SEPTIN14: variants seen among roughly 807,000 people sequenced by gnomAD.
The protein encoded by SEPTIN14 is septin-14.
A neutral mutation model predicts 53.6 loss-of-function variants in SEPTIN14; 40 were observed. The ratio of observed to expected loss-of-function variants is 0.75; its 90% confidence interval spans 0.58 to 0.97. The LOEUF is 0.97. Ranked by LOEUF, SEPTIN14 falls within the 50% of genes least tolerant of loss-of-function variation. The pLI is 0.00. For synonymous variants in SEPTIN14, 138 were observed against 166.8 expected (o/e 0.83, Z 1.33); for missense variants, 471 against 508.2 (o/e 0.93, Z 0.70).
At chr7:55,802,546 T>C (rs1788540667) in intron 9 of SEPTIN14, among the ~76,000 whole-genome samples, 1 of 107,590 alleles carries the variant, frequency 9.3e-6, no homozygotes. Flanking sequence ...TGTGACCACA[T>C]GCAGAAAAAA....
chr7:55,838,129 G>A, intron 5 of SEPTIN14, among the ~76,000 whole-genome samples: 1 of 152,214 alleles, frequency 6.6e-6, no homozygotes, highest in South Asian at 2.1e-4. Context: ...TTAATCAAAT[G>A]AACAGAGTCT....
chr7:55,844,781 G>T, intron 3 of SEPTIN14, 63 bp from the exon 4 acceptor site: 2 of 788,388 alleles, frequency 2.5e-6, no homozygotes, highest in South Asian at 3.6e-5. Context: ...GCAACACTTT[G>T]AATTCCTACG....
In SEPTIN14 at chr7:55,853,997, C is replaced by T. The variant is rs139569747; in HGVS notation, c.55-7360G>A. On this transcript the variant is annotated intron_variant, in intron 2 of 9. Transcript: ENST00000388975. ...ATAGCAGAGTATGGTGGTACATGCT[C>T]GTCGTCCCAGCTACTCTGGAGGCTG... 2.8e-3 allele frequency among the ~76,000 whole-genome samples: 425 copies of T among 151,934 alleles called. 5 individuals are homozygous for T. Among genetic ancestry groups the T allele is most frequent in the Middle Eastern group, 0.01 (3 of 294 alleles).
At chr7:55,839,741 A>C (rs1170510191) in intron 5 of SEPTIN14, among the ~76,000 whole-genome samples, 1 of 152,162 alleles carries the variant, frequency 6.6e-6, no homozygotes, top group Non-Finnish European at 1.5e-5. Context: ...AATCTATCAA[A>C]TGTGAGTTGT....
intron 5 of SEPTIN14, among the ~76,000 whole-genome samples, chr7:55,838,152 G>C (rs914206210): frequency 6.6e-6 from 1 of 152,186 alleles, no homozygotes; most frequent in Non-Finnish European, 1.5e-5. Flanking sequence ...TATCGATTTT[G>C]AGATTTTGCT....
At chr7:55,822,326 T>A (rs1322597847) in intron 6 of SEPTIN14, among the ~76,000 whole-genome samples, 1 of 152,240 alleles carries the variant, frequency 6.6e-6, no homozygotes, top group Non-Finnish European at 1.5e-5. Context: ...ATGTCAATGT[T>A]CCATAACTTA....
intron 5 of SEPTIN14, among the ~76,000 whole-genome samples, chr7:55,838,658 G>C (rs2116040407): frequency 6.6e-6 from 1 of 151,736 alleles, no homozygotes; most frequent in South Asian, 2.1e-4. Flanking sequence ...GCTCACAGCA[G>C]CCTGGAACTC....
At chr7:55,836,440 T>TA (rs1457841189) in intron 5 of SEPTIN14, among the ~76,000 whole-genome samples, 3 of 152,138 alleles carry the variant, frequency 2.0e-5, no homozygotes, top group African/African-American at 7.2e-5. Context: ...ACACGTTTTT[T>TA]AAAAAATCCA....
chr7:55,807,358 A>G lies in SEPTIN14; in HGVS notation c.818-100T>C. 5 of 726,622 alleles carry G rather than the reference A, an allele frequency of 6.9e-6. No homozygotes were observed. The South Asian group carries it at 1.0e-4, about 15-fold the overall frequency. 45.0% of individuals were successfully genotyped at this position (726,622 alleles called of 1,614,324 possible). A position where few individuals can be genotyped will look rare whatever the true frequency, so the allele number is the denominator to read the frequency against. ...TACATGAATAAAAAACACATTTAAA[A>G]TAACACACAACTGAACAATTTGATT... On this transcript the variant is annotated intron_variant, in intron 7 of 9. Transcript: ENST00000388975.
intron 8 of SEPTIN14, among the ~76,000 whole-genome samples, chr7:55,806,589 A>C (rs1788614576): frequency 6.6e-6 from 1 of 151,460 alleles, no homozygotes; most frequent in Admixed American, 6.6e-5. Context: ...TCAGCCTCCC[A>C]AGTGGCTGGG....
At chr7:55,812,324 C>T (rs1056487254) in intron 7 of SEPTIN14, among the ~76,000 whole-genome samples, 1 of 152,036 alleles carries the variant, frequency 6.6e-6, no homozygotes, top group African/African-American at 2.4e-5. Context: ...GAGAAATAAA[C>T]CAGGCACAGA....
At position 55,819,205 on chromosome 7, in the gene SEPTIN14, C is replaced by T. The variant is rs781178255; in HGVS notation, c.739G>A (p.Val247Met). 1 of 1,571,056 alleles carries T rather than the reference C, an allele frequency of 6.4e-7. No individual in the cohort carries two copies. Among genetic ancestry groups the T allele is most frequent in the Non-Finnish European group, 8.6e-7 (1 of 1,156,676 alleles). The change falls in exon 7 of 10, where the codon GTG becomes ATG. Residue 247 changes from valine (V) to methionine (M), a missense_variant. Val to Met is a conservative substitution (Grantham distance 21, BLOSUM62 1). Coordinates refer to ENST00000388975, the MANE Select transcript of SEPTIN14 (RefSeq NM_207366.3). The part of the protein sequence containing the change: ...SSVSGLLPFA[V>M]VGSTDEVKVG... ...TTCACTTCATCTGTACTCCCTACCACAGCAAAGGGTAACAGCCCCTAGAAA... is the reference window on the plus strand; with the variant it reads ...TTCACTTCATCTGTACTCCCTACCATAGCAAAGGGTAACAGCCCCTAGAAA...
chr7:55,818,200 G>T (rs1251781211), intron 7 of SEPTIN14, among the ~76,000 whole-genome samples: 1 of 151,884 alleles, frequency 6.6e-6, no homozygotes. Flanking sequence ...GGCTGGACAC[G>T]GTGGCTCATG....
At chr7:55,830,345 A>ATTTTTTTTTTT (rs1337453699) in intron 6 of SEPTIN14, among the ~76,000 whole-genome samples, 1 of 40,104 alleles carries the variant, frequency 2.5e-5, no homozygotes, top group Admixed American at 3.2e-4. Context: ...ATATATATAT[A>ATTTTTTTTTTT]TATATTTTTT....
Position 55,859,199 on chromosome 7 carries a change from C to T in SEPTIN14, c.54+2744G>A, listed in dbSNP as rs188815303. 1.9e-4 allele frequency among the ~76,000 whole-genome samples: 29 copies of T among 151,484 alleles called. No homozygotes were observed. The East Asian group carries it at 5.2e-3, about 27-fold the overall frequency. ...CAAGACCAATGTCCAGGACATTTTC[C>T]CCTATGTTATCTTCTCAGAGTTTTA... On this transcript the variant is annotated intron_variant, in intron 2 of 9. Transcript: ENST00000388975.
At chr7:55,806,933 T>C (rs1272481053) in intron 8 of SEPTIN14, among the ~76,000 whole-genome samples, 157 bp downstream of exon 8, 1 of 152,178 alleles carries the variant, frequency 6.6e-6, no homozygotes, top group Non-Finnish European at 1.5e-5. Context: ...TCTACCTTCG[T>C]CAAAAGATCA....
intron 6 of SEPTIN14, 74 bp downstream of exon 6, chr7:55,834,351 T>C: frequency 8.5e-7 from 1 of 1,173,270 alleles, no homozygotes; most frequent in East Asian, 2.6e-5. Flanking sequence ...TTAAAAAAAT[T>C]AAAAATTCTC....
intron 7 of SEPTIN14, among the ~76,000 whole-genome samples, chr7:55,816,798 C>CA (rs981529471): frequency 1.2e-4 from 18 of 148,742 alleles, no homozygotes; most frequent in African/African-American, 3.7e-4. Context: ...AACTCCATCT[C>CA]AAAAAAAAAA....
chr7:55,801,427 G>A (rs1371992000), intron 9 of SEPTIN14, among the ~76,000 whole-genome samples: 1 of 151,998 alleles, frequency 6.6e-6, no homozygotes, highest in Non-Finnish European at 1.5e-5. Flanking sequence ...AACAAAATTT[G>A]ATAACCTAAA....
Sources: gnomAD v4.1 joint callset for allele counts (sites outside exome capture counted in the v4.1 genomes callset) on GRCh38, gnomAD v4.1.1 for gene constraint, MANE v1.5 for transcripts, NCBI Gene and HGNC (gene_info 2026-07-23, HGNC 2026-07-21) for gene names.